ZNF664: variants seen among roughly 807,000 people sequenced by gnomAD.
The protein encoded by ZNF664 is zinc finger Organ of Corti 1.
A neutral mutation model predicts 18.2 loss-of-function variants in ZNF664; 10 were observed. That is an observed-to-expected ratio of 0.55 (90% CI 0.34 to 0.93). ZNF664 has a LOEUF of 0.93. Ranked by LOEUF, ZNF664 falls within the 40% of genes least tolerant of loss-of-function variation. ZNF664 has a pLI of 0.02. For synonymous variants in ZNF664, 119 were observed against 104.2 expected (o/e 1.14, Z -0.86); for missense variants, 193 against 319.0 (o/e 0.61, Z 3.01).
chr12:123,989,802 T>G (rs141379703), intron 3 of ZNF664, among the ~76,000 whole-genome samples: 2 of 152,372 alleles, frequency 1.3e-5, no homozygotes, highest in East Asian at 3.9e-4. Flanking sequence ...GCCAGAGTTC[T>G]GCATAATTTG....
rs1235645807 is a variant in ZNF664 at position 123,990,888 on chromosome 12, A to AT, written c.-661+2757dup. Among the ~76,000 whole-genome samples the AT allele has an allele frequency of 2.6e-5, 4 of 152,028 alleles. No individual in the cohort carries two copies. The South Asian group carries it at 6.2e-4, about 24-fold the overall frequency. ...CCTAATTGTATCCTGAGGAAATCGT[A>AT]TTTTTTTCTGTTACCTCATCGGTGT... is the stretch of plus-strand genomic sequence containing the variant. On this transcript the variant is annotated intron_variant, in intron 3 of 4. Coordinates refer to ENST00000337815, the MANE Select transcript of ZNF664 (RefSeq NM_152437.3).
intron 3 of ZNF664, among the ~76,000 whole-genome samples, chr12:124,006,422 A>ACCCCCGTCTTCAGGTT (rs1701148441): frequency 6.6e-6 from 1 of 152,030 alleles, no homozygotes; most frequent in African/African-American, 2.4e-5. Context: ...TTAGTCCTGT[A>ACCCCCGTCTTCAGGTT]CCCCCGTCTT....
chr12:123,974,101 C>T, intron 2 of ZNF664, 81 bp downstream of exon 2: 1 of 1,029,568 alleles, frequency 9.7e-7, no homozygotes, highest in Non-Finnish European at 1.2e-6. Context: ...GACTCGACTG[C>T]AGTTTTCTCA....
intron 2 of ZNF664, among the ~76,000 whole-genome samples, chr12:123,987,018 AG>A (rs2138359374): frequency 6.6e-6 from 1 of 152,316 alleles, no homozygotes; most frequent in East Asian, 1.9e-4. Context: ...CTGACAGTGC[AG>A]GGCCACTCAG....
At chr12:123,985,432 T>G (rs1956812514) in intron 2 of ZNF664, among the ~76,000 whole-genome samples, 1 of 152,200 alleles carries the variant, frequency 6.6e-6, no homozygotes, top group Non-Finnish European at 1.5e-5. Context: ...GATTTTTGAT[T>G]TACTATTCTG....
At chr12:123,998,542 G>T (rs1956976079) in intron 3 of ZNF664, 1 of 152,358 alleles carries the variant, frequency 6.6e-6, no homozygotes, top group African/African-American at 2.4e-5. Context: ...TGTGCCTCCT[G>T]TTCTTTATGT....
intron 3 of ZNF664, among the ~76,000 whole-genome samples, chr12:123,991,053 T>C (rs1180834798): frequency 6.6e-6 from 1 of 152,154 alleles, no homozygotes; most frequent in African/African-American, 2.4e-5. Flanking sequence ...TAGTATTAGG[T>C]GAAGATTTTG....
intron 2 of ZNF664, among the ~76,000 whole-genome samples, chr12:123,983,792 A>G (rs1353620854): frequency 6.6e-6 from 1 of 152,226 alleles, no homozygotes; most frequent in Non-Finnish European, 1.5e-5. Flanking sequence ...GCTAGAAAAC[A>G]TGTCAAGTTT....
At chr12:124,007,177 C>T (rs955453122) in intron 3 of ZNF664, among the ~76,000 whole-genome samples, 2 of 152,162 alleles carry the variant, frequency 1.3e-5, no homozygotes, top group African/African-American at 2.4e-5. Context: ...TCTCATCCCC[C>T]CACCGTGCAG....
At chr12:123,990,500 A>T (rs1356577953) in intron 3 of ZNF664, among the ~76,000 whole-genome samples, 2 of 151,970 alleles carry the variant, frequency 1.3e-5, no homozygotes, top group African/African-American at 4.8e-5. Flanking sequence ...GGTGTTCCTT[A>T]TACCTCTTCC....
Position 124,013,504 on chromosome 12 carries a change from C to G in ZNF664, c.*574C>G, listed in dbSNP as rs1957157256. The G allele has an allele frequency of 5.9e-6, 1 of 169,944 alleles. No homozygotes were observed. Among genetic ancestry groups the G allele is most frequent in the Admixed American group, 6.3e-5 (1 of 15,946 alleles). The allele number at this position is 169,944 out of a possible 1,614,324, so 10.5% of individuals were successfully genotyped here. Reference sequence around the variant, plus strand: ...TCCATCCCTTCCTAGATGGCATTAACTTTCATTTTAGATTTTAGGTGACTC... The same window carrying G: ...TCCATCCCTTCCTAGATGGCATTAAGTTTCATTTTAGATTTTAGGTGACTC... On this transcript the variant is annotated 3_prime_UTR_variant, in exon 5 of 5. Transcript: ENST00000337815.
chr12:123,990,683 C>G (rs1461982187), intron 3 of ZNF664, among the ~76,000 whole-genome samples: 1 of 152,186 alleles, frequency 6.6e-6, no homozygotes, highest in African/African-American at 2.4e-5. Flanking sequence ...CCTCCCCCAG[C>G]TAGTTCCTGC....
chr12:123,993,503 G>A (rs1956911600), intron 3 of ZNF664, among the ~76,000 whole-genome samples: 1 of 152,186 alleles, frequency 6.6e-6, no homozygotes. Flanking sequence ...GAGTATCTAA[G>A]TCTTCCTATA....
At chr12:123,992,740 A>G (rs1459555771) in intron 3 of ZNF664, among the ~76,000 whole-genome samples, 2 of 152,198 alleles carry the variant, frequency 1.3e-5, no homozygotes, top group Non-Finnish European at 2.9e-5. Context: ...TCAGAAGTGC[A>G]TGTACTCCAG....
chr12:124,004,154 T>G (rs1433486279), intron 3 of ZNF664, among the ~76,000 whole-genome samples: 1 of 151,916 alleles, frequency 6.6e-6, no homozygotes, highest in Admixed American at 6.6e-5. Flanking sequence ...TAACACAGAT[T>G]TGGGAGGGAG....
chr12:124,006,072 A>C (rs887576653), intron 3 of ZNF664: 1 of 152,392 alleles, frequency 6.6e-6, no homozygotes, highest in Non-Finnish European at 1.5e-5. Context: ...AATGGCTGCT[A>C]ATTCCTTTAG....
rs1957137778 is a variant in ZNF664, at chr12:124,011,741, T to C, written c.-404T>C. The C allele has an allele frequency of 1.9e-6, 2 of 1,054,404 alleles. No homozygotes were observed. The highest frequency in any genetic ancestry group is 1.7e-5 in the African/African-American group (1 of 58,208). The allele number at this position is 1,054,404 out of a possible 1,614,324, so 65.3% of individuals were successfully genotyped here. On this transcript the variant is annotated 5_prime_UTR_variant, in exon 5 of 5. Transcript: ENST00000337815. ...TCATCCTTCGATACAGGGGATATAC[T>C]GTACAGTCCTTTTTCTAGAAGTGAG...
Position 124,005,893 on chromosome 12 carries a change from G to A in ZNF664, c.-660-5488G>A, listed in dbSNP as rs139048810. 2.8e-3 allele frequency: 425 copies of A among 153,196 alleles called. 2 individuals carry two copies. The highest frequency in any genetic ancestry group is 9.8e-3 in the African/African-American group (407 of 41,576). 9.5% of individuals were successfully genotyped at this position (153,196 alleles called of 1,614,324 possible). The stretch of plus-strand genomic sequence containing the variant: ...AGTGGGATGTTAGTTGCTGGGCGGC[G>A]CTATTCTCTTCCTCAGTTGGTGGTG... On this transcript the variant is annotated intron_variant, in intron 3 of 4. Coordinates refer to ENST00000337815, the MANE Select transcript of ZNF664 (RefSeq NM_152437.3).
intron 3 of ZNF664, chr12:124,011,143 C>G: frequency 4.3e-6 from 1 of 230,678 alleles, no homozygotes; most frequent in Non-Finnish European, 7.2e-6. Flanking sequence ...GATGTTTTAT[C>G]TCCAAAGGCA....
Sources: allele counts gnomAD v4.1 joint callset (sites outside exome capture counted in the v4.1 genomes callset), GRCh38; gene constraint gnomAD v4.1.1; transcripts MANE v1.5; gene names NCBI Gene and HGNC (gene_info 2026-07-23, HGNC 2026-07-21).